The following ANO3 variants were observed in gnomAD, a reference collection of about 807,000 sequenced individuals.
The protein encoded by ANO3 is anoctamin 3, also known as anoctamin-3.
ANO3 carries 99 observed loss-of-function variants against 144.8 expected under a neutral mutation model. That is an observed-to-expected ratio of 0.68 (90% CI 0.58 to 0.81). ANO3 has a LOEUF of 0.81. Ranked by LOEUF, ANO3 falls within the 30% of genes least tolerant of loss-of-function variation. The pLI, the probability that ANO3 is intolerant of heterozygous loss-of-function variation, is 0.00. For synonymous variants in ANO3, 414 were observed against 392.6 expected (o/e 1.05, Z -0.64); for missense variants, 905 against 1,202.2 (o/e 0.75, Z 3.66).
intron 1 of ANO3, among the ~76,000 whole-genome samples, chr11:26,256,903 A>G (rs1853070259): frequency 6.6e-6 from 1 of 152,106 alleles, no homozygotes; most frequent in Non-Finnish European, 1.5e-5. Context: ...TTGTTACCAC[A>G]GGAAAGGCAG....
At chr11:26,589,873 C>T (rs752265567) in intron 14 of ANO3, among the ~76,000 whole-genome samples, 9 of 152,142 alleles carry the variant, frequency 5.9e-5, no homozygotes, top group Non-Finnish European at 8.8e-5. Context: ...TGTAGGGATA[C>T]GCAATCTGTA....
Position 26,532,757 on chromosome 11 carries a change from C to T in ANO3, c.869+1421C>T, listed in dbSNP as rs369252733. Among the ~76,000 whole-genome samples, 5 of 152,136 alleles carry T rather than the reference C, an allele frequency of 3.3e-5. No individual in the cohort carries two copies. The East Asian group carries it at 9.6e-4, about 29-fold the overall frequency. ...AGTCCTTCCTGTCATTCAGCTCCTA[C>T]TCAAACACCACCACCTCCAAGAGAC... On this transcript the variant is annotated intron_variant, in intron 8 of 26. Coordinates refer to ENST00000256737, the MANE Select transcript of ANO3 (RefSeq NM_031418.4).
intron 6 of ANO3, among the ~76,000 whole-genome samples, chr11:26,522,820 G>A (rs1862136001): frequency 6.6e-6 from 1 of 152,104 alleles, no homozygotes; most frequent in African/African-American, 2.4e-5. Context: ...AGAATGTGAT[G>A]CATATCATAG....
chr11:26,560,963 A>C, intron 14 of ANO3: 1 of 1,176,108 alleles, frequency 8.5e-7, no homozygotes, highest in Non-Finnish European at 1.2e-6. Context: ...CCTTGACAAA[A>C]TCCACGTGAC....
At chr11:26,293,085 G>A (rs1853997119) in intron 1 of ANO3, among the ~76,000 whole-genome samples, 1 of 151,988 alleles carries the variant, frequency 6.6e-6, no homozygotes, top group African/African-American at 2.4e-5. Flanking sequence ...AATAAATTTG[G>A]GTCAGCTTCA....
upstream of ANO3, among the ~76,000 whole-genome samples, chr11:26,307,691 C>T (rs1241316939): frequency 1.3e-5 from 2 of 149,736 alleles, no homozygotes; most frequent in African/African-American, 2.4e-5. Context: ...TGCACTGTAG[C>T]CTGGGCAACA....
At chr11:26,517,310 C>T (rs921059869) in intron 6 of ANO3, among the ~76,000 whole-genome samples, 2 of 151,998 alleles carry the variant, frequency 1.3e-5, no homozygotes, top group African/African-American at 2.4e-5. Flanking sequence ...TTGTTCTTCT[C>T]TGTATAGTCA....
At chr11:26,376,109 C>T (rs533740379) in intron 1 of ANO3, among the ~76,000 whole-genome samples, 1 of 152,260 alleles carries the variant, frequency 6.6e-6, no homozygotes, top group African/African-American at 2.4e-5. Flanking sequence ...GTTCAATTCA[C>T]ATTTCATCTT....
chr11:26,291,548 G>A (rs572152265), intron 1 of ANO3, among the ~76,000 whole-genome samples: 12 of 152,066 alleles, frequency 7.9e-5, no homozygotes, highest in African/African-American at 1.7e-4. Flanking sequence ...GGCTGGTACC[G>A]GTTGTTCCTT....
At position 26,537,439 on chromosome 11, in the gene ANO3, T is replaced by C. The variant is rs1343365413; in HGVS notation, c.1010T>C (p.Ile337Thr). ...IRKLINNGSY[I>T]AAFPPHEGAY... Reference sequence around the variant, plus strand: ...AAACTTATAAACAATGGCTCATACATAGCAGCGTTTCCACCACATGAGGTA... The same window carrying C: ...AAACTTATAAACAATGGCTCATACACAGCAGCGTTTCCACCACATGAGGTA... The change falls in exon 10 of 27, where the codon ATA (isoleucine) becomes ACA (threonine). Residue 337 changes from isoleucine to threonine, a missense_variant. By Grantham distance (89) the Ile-to-Thr change is moderately conservative (BLOSUM62 -1). This residue lies in a region of ANO3 where 597 missense variants were observed against 865.1 expected (regional missense o/e 0.69). Coordinates refer to ENST00000256737, the MANE Select transcript of ANO3 (RefSeq NM_031418.4). The C allele has an allele frequency of 1.1e-5, 18 of 1,613,808 alleles. No homozygotes were observed. Among genetic ancestry groups the C allele is most frequent in the Non-Finnish European group, 1.4e-5 (16 of 1,179,774 alleles).
At chr11:26,368,275 G>T (rs1434610508) in intron 1 of ANO3, among the ~76,000 whole-genome samples, 1 of 152,174 alleles carries the variant, frequency 6.6e-6, no homozygotes, top group African/African-American at 2.4e-5. Context: ...CATAATGATA[G>T]ATGGCTCTTC....
intron 1 of ANO3, among the ~76,000 whole-genome samples, chr11:26,250,240 T>C (rs1350413447): frequency 6.6e-6 from 1 of 152,240 alleles, no homozygotes; most frequent in Non-Finnish European, 1.5e-5. Flanking sequence ...GTTTTCTTTC[T>C]TCTGTGGCAG....
intron 22 of ANO3, among the ~76,000 whole-genome samples, chr11:26,642,459 C>T (rs1853195225): frequency 7.3e-6 from 1 of 136,144 alleles, no homozygotes; most frequent in African/African-American, 2.6e-5. Context: ...TCAAGCGATT[C>T]TCCTACCTCA....
intron 1 of ANO3, among the ~76,000 whole-genome samples, chr11:26,290,550 G>T (rs532031410): frequency 6.6e-6 from 1 of 152,202 alleles, no homozygotes; most frequent in Admixed American, 6.5e-5. Context: ...TACATTTAGT[G>T]CTATAAATTT....
intron 1 of ANO3, among the ~76,000 whole-genome samples, chr11:26,439,479 G>A (rs1590359975): frequency 1.3e-5 from 2 of 152,164 alleles, no homozygotes; most frequent in Admixed American, 1.3e-4. Flanking sequence ...AATGGGGATC[G>A]GCTGCGAATA....
chr11:26,485,772 A>T (rs1380627396), intron 4 of ANO3, among the ~76,000 whole-genome samples: 1 of 152,344 alleles, frequency 6.6e-6, no homozygotes, highest in African/African-American at 2.4e-5. Context: ...CTAGGGAAAA[A>T]TCTTCTTGAC....
intron 4 of ANO3, among the ~76,000 whole-genome samples, chr11:26,484,446 G>A (rs1860361697): frequency 6.6e-6 from 1 of 152,164 alleles, no homozygotes; most frequent in Non-Finnish European, 1.5e-5. Flanking sequence ...CAGCTTCCAT[G>A]TGGTGTTAAG....
intron 3 of ANO3, chr11:26,460,190 A>T: frequency 2.8e-6 from 1 of 363,570 alleles, no homozygotes; most frequent in South Asian, 2.1e-5. Flanking sequence ...TTCTTAGTTA[A>T]TTTACTTCAA....
At chr11:26,513,224 A>G (rs140500395) in intron 5 of ANO3, among the ~76,000 whole-genome samples, 4 of 152,270 alleles carry the variant, frequency 2.6e-5, no homozygotes, top group Admixed American at 6.5e-5. Context: ...GTCATTGAAG[A>G]AACTTTGGCT....
Sources: gnomAD v4.1 joint callset for allele counts (sites outside exome capture counted in the v4.1 genomes callset) on GRCh38, gnomAD v4.1.1 for gene constraint, gnomAD v4.1.1 regional missense constraint, MANE v1.5 for transcripts, NCBI Gene and HGNC (gene_info 2026-07-23, HGNC 2026-07-21) for gene names.